LRRC37A: variants seen among roughly 807,000 people sequenced by gnomAD.
LRRC37A encodes the protein leucine rich repeat containing 37A, also known as leucine-rich repeat-containing protein 37A.
In LRRC37A, 3 loss-of-function variants were observed where a neutral mutation model predicts 35.4. The ratio of observed to expected loss-of-function variants is 0.08; its 90% CI spans 0.04 to 0.22. LRRC37A has a LOEUF of 0.22. Among genes scored for constraint, LRRC37A ranks in the 10% least tolerant of loss-of-function variants. LRRC37A has a pLI of 1.00. For missense variants in LRRC37A, 67 were observed against 565.3 expected, an observed-to-expected ratio of 0.12 and a Z score of 8.94; for synonymous variants, 23 against 215.0, an observed-to-expected ratio of 0.11 and a Z score of 7.81.
the LRRC37A span, among the ~76,000 whole-genome samples, chr17:46,257,937 T>C: frequency 6.6e-6 from 1 of 152,194 alleles, no homozygotes; most frequent in Non-Finnish European, 1.5e-5. Flanking sequence ...TTCTGCTCAG[T>C]TCTCTTGGGA....
rs556963585 is a variant in LRRC37A, at chr17:46,330,950, A to G, written c.3673A>G (p.Lys1225Glu). Residue 1225 changes from lysine (K) to glutamate (E), a missense_variant, in exon 9 of 14, where the codon AAG (lysine) becomes GAG (glutamate). Coordinates refer to ENST00000320254, the Ensembl canonical transcript of LRRC37A. ...GCCCCACACACAGCAGGGGCCTGAG[A>G]AGTTAGCGGGAAACGCCGTCTACAC... 2 of 724,720 alleles carry G rather than the reference A, an allele frequency of 2.8e-6. 1 individual carries two copies. The highest frequency in any genetic ancestry group is 5.8e-5 in the Admixed American group (2 of 34,286). The allele number at this position is 724,720 out of a possible 1,614,324, so 44.9% of individuals were successfully genotyped here.
the LRRC37A span, among the ~76,000 whole-genome samples, chr17:46,284,788 C>T: frequency 9.9e-5 from 15 of 152,186 alleles, 1 homozygote; most frequent in South Asian, 1.0e-3. Flanking sequence ...ATTGAGACTA[C>T]GATTCCCTTT....
the LRRC37A span, among the ~76,000 whole-genome samples, chr17:46,275,651 G>GTA: frequency 6.6e-6 from 1 of 152,244 alleles, no homozygotes; most frequent in African/African-American, 2.4e-5. Context: ...AAATATGTAT[G>GTA]TATATATATT....
chr17:46,334,533 G>T (rs1421807752), intron 10 of LRRC37A: 1 of 18,532 alleles, frequency 5.4e-5, no homozygotes, highest in Non-Finnish European at 1.0e-4. Context: ...CTGGGCTTAA[G>T]GGATCCTCCT....
chr17:46,253,430 T>TCA, the LRRC37A span, among the ~76,000 whole-genome samples: 1 of 151,908 alleles, frequency 6.6e-6, no homozygotes, highest in Non-Finnish European at 1.5e-5. Context: ...CCAGCCGAGA[T>TCA]CACGCCACTG....
At chr17:46,324,507 A>G (rs2143972833) in intron 7 of LRRC37A, among the ~76,000 whole-genome samples, 1 of 75,534 alleles carries the variant, frequency 1.3e-5, no homozygotes, top group Admixed American at 1.4e-4. Context: ...TATGTGATGT[A>G]TCTTTTTTAT....
At chr17:46,265,282 CT>C in the LRRC37A span, among the ~76,000 whole-genome samples, 2 of 107,218 alleles carry the variant, frequency 1.9e-5, no homozygotes, top group Admixed American at 2.2e-4. Flanking sequence ...TCTTCTTCTT[CT>C]TCTTCTTCTT....
the LRRC37A span, among the ~76,000 whole-genome samples, chr17:46,253,485 G>A: frequency 1.3e-5 from 2 of 152,252 alleles, no homozygotes; most frequent in East Asian, 1.9e-4. Context: ...ACGAGACTCC[G>A]TCTGCAATCC....
chr17:46,260,787 C>G, the LRRC37A span, among the ~76,000 whole-genome samples: 32 of 152,142 alleles, frequency 2.1e-4, no homozygotes, highest in African/African-American at 7.5e-4. Context: ...CCATGCCTGG[C>G]TAATTTTGTA....
the LRRC37A span, chr17:46,268,379 T>C: frequency 1.3e-6 from 1 of 790,814 alleles, no homozygotes; most frequent in African/African-American, 2.0e-5. Context: ...GTAGACTAAA[T>C]ATCAGTTTCA....
chr17:46,262,242 A>C, the LRRC37A span, among the ~76,000 whole-genome samples: 3 of 151,980 alleles, frequency 2.0e-5, no homozygotes, highest in African/African-American at 2.4e-5. Flanking sequence ...GAGCCACTGC[A>C]CCGGGCCTCT....
At chr17:46,284,252 C>T in the LRRC37A span, among the ~76,000 whole-genome samples, 2 of 152,266 alleles carry the variant, frequency 1.3e-5, no homozygotes, top group Non-Finnish European at 2.9e-5. Context: ...TTGGACAATA[C>T]CTGGCTTTCC....
intron 5 of LRRC37A, among the ~76,000 whole-genome samples, chr17:46,317,171 C>A (rs1409337832): frequency 1.1e-5 from 1 of 88,446 alleles, no homozygotes; most frequent in Non-Finnish European, 3.3e-5. Flanking sequence ...GCGCTCCTCA[C>A]ATCCCAGACG....
chr17:46,254,830 G>A, the LRRC37A span, among the ~76,000 whole-genome samples: 2 of 151,238 alleles, frequency 1.3e-5, no homozygotes, highest in East Asian at 1.9e-4. Context: ...AAGCCACCGC[G>A]CCTGTTTTTT....
upstream of LRRC37A, among the ~76,000 whole-genome samples, chr17:46,289,299 C>T (rs56130708): frequency 0.14 from 21,686 of 151,662 alleles, 1,929 homozygotes; most frequent in Non-Finnish European, 0.22. Context: ...CCTCCTGCCT[C>T]AACCCCTTCA....
chr17:46,250,318 G>A, the LRRC37A span, among the ~76,000 whole-genome samples: 3 of 152,242 alleles, frequency 2.0e-5, no homozygotes, highest in Non-Finnish European at 4.4e-5. Flanking sequence ...GCTTTGGCCA[G>A]GCTCAGTGTG....
chr17:46,284,440 C>T, the LRRC37A span, among the ~76,000 whole-genome samples: 23 of 152,328 alleles, frequency 1.5e-4, no homozygotes, highest in East Asian at 3.9e-4. Context: ...TCAGAGAGCA[C>T]GGGGTTGGGG....
the LRRC37A span, among the ~76,000 whole-genome samples, chr17:46,265,813 T>C: frequency 6.6e-6 from 1 of 152,350 alleles, no homozygotes; most frequent in South Asian, 2.1e-4. Flanking sequence ...ATTAGACCTC[T>C]GTGCCGGCCG....
intron 1 of LRRC37A, among the ~76,000 whole-genome samples, chr17:46,298,745 ATGAT>A (rs2050247632): frequency 1.0e-5 from 1 of 99,544 alleles, no homozygotes; most frequent in African/African-American, 3.5e-5. Context: ...AAAAAAAAAA[ATGAT>A]AGGAGGGAAG....
Sources: gnomAD v4.1 joint callset for allele counts (sites outside exome capture counted in the v4.1 genomes callset) on GRCh38, gnomAD v4.1.1 for gene constraint, MANE v1.5 for transcripts, NCBI Gene and HGNC (gene_info 2026-07-23, HGNC 2026-07-21) for gene names.